Variants in DOLK observed in about 807,000 individuals in gnomAD.
DOLK encodes the protein SEC59 homolog.
In DOLK, 20 loss-of-function variants were observed where a neutral mutation model predicts 31.7. The observed-to-expected ratio is 0.63, with a 90% confidence interval of 0.44 to 0.92. DOLK has a LOEUF of 0.92. Among genes scored for constraint, DOLK ranks in the 40% least tolerant of loss-of-function variants. The pLI, the probability that DOLK is intolerant of heterozygous loss-of-function variation, is 0.00. For synonymous variants in DOLK, 309 were observed against 287.0 expected (o/e 1.08, Z -0.77); for missense variants, 594 against 680.7 (o/e 0.87, Z 1.42).
At position 128,945,710 on chromosome 9, in the gene DOLK, G is replaced by A. The variant is rs140350881; in HGVS notation, c.1594C>T (p.Leu532Phe). 30 of 1,614,114 alleles carry A rather than the reference G, an allele frequency of 1.9e-5. No homozygotes were observed. The highest frequency in any genetic ancestry group is 2.0e-5 in the Non-Finnish European group (24 of 1,180,028). Reference sequence around the variant, plus strand: ...AGCTAGGCCATCAGCAATATCAGGAGGTAGAGAGGCAGAAGGAGATTGTCT... The same window carrying A: ...AGCTAGGCCATCAGCAATATCAGGAAGTAGAGAGGCAGAAGGAGATTGTCT... ...QIDNLLLPLY[L>F]LILLMA Residue 532 changes from leucine (L) to phenylalanine (F), a missense_variant, in exon 1 of 1, where the codon CTC becomes TTC. By Grantham distance (22) the Leu-to-Phe change is conservative. Coordinates refer to ENST00000372586, the MANE Select transcript of DOLK (RefSeq NM_014908.4).
rs745571625 is a variant in DOLK at position 128,946,398 on chromosome 9, G to A, written c.906C>T (p.Ala302=). 6 of 1,614,048 alleles carry A rather than the reference G, an allele frequency of 3.7e-6. No individual in the cohort carries two copies. Among genetic ancestry groups the A allele is most frequent in the Admixed American group, 1.7e-5 (1 of 60,012 alleles). Residue 302 remains alanine, a synonymous_variant, in exon 1 of 1, where the codon GCC becomes GCT. Coordinates refer to ENST00000372586, the MANE Select transcript of DOLK (RefSeq NM_014908.4). ...CCAAGGTGGCCAGCAGAGACCAATA[G>A]GCTAGGAGGTAGATGCGGGTGTCTG... The part of the protein sequence containing the change: ...FQTDTRIYLL[A]YWSLLATLAC...
At position 128,947,094 on chromosome 9, in the gene DOLK, G is replaced by A; in HGVS notation, c.210C>T (p.Val70=). ...TGTTTGCGGACATTCGGAACTGGAA[G>A]ACGGCGCTTCCCTGCTGTAGCAGCC... ...WDRLLQQGSA[V]FQFRMSANSG... The change falls in exon 1 of 1, where the codon GTC becomes GTT. Residue 70 remains valine (V), a synonymous_variant. Coordinates refer to ENST00000372586, the MANE Select transcript of DOLK (RefSeq NM_014908.4). The A allele has an allele frequency of 6.2e-7, 1 of 1,614,046 alleles. No homozygotes were observed. Among genetic ancestry groups the A allele is most frequent in the Non-Finnish European group, 8.5e-7 (1 of 1,180,032 alleles).
In DOLK at chr9:128,945,783, C is replaced by T. The variant is rs776776388; in HGVS notation, c.1521G>A (p.Leu507=). 3.7e-6 allele frequency: 6 copies of T among 1,614,172 alleles called. No homozygotes were observed. The highest frequency in any genetic ancestry group is 5.1e-6 in the Non-Finnish European group (6 of 1,180,044). The part of the protein sequence containing the change: ...VDLNYSYAWI[L]GSISTVSLLE... ...GGAGGGACACAGTGCTGATGGACCC[C>T]AAAATCCAAGCATAACTGTAGTTTA... Residue 507 remains leucine, a synonymous_variant, in exon 1 of 1, where the codon TTG becomes TTA. Transcript: ENST00000372586.
Position 128,945,718 on chromosome 9 carries a change from G to A in DOLK, c.1586C>T (p.Pro529Leu). Residue 529 changes from proline to leucine, a missense_variant, in exon 1 of 1, where the codon CCT becomes CTT. Physicochemically the swap from Pro to Leu is moderately conservative, Grantham distance 98. Coordinates refer to ENST00000372586, the MANE Select transcript of DOLK (RefSeq NM_014908.4). ...YTTQIDNLLL[P>L]LYLLILLMA ...CATCAGCAATATCAGGAGGTAGAGA[G>A]GCAGAAGGAGATTGTCTATCTGTGT... The A allele has an allele frequency of 1.2e-6, 2 of 1,614,152 alleles. No homozygotes were observed. Among genetic ancestry groups the A allele is most frequent in the Non-Finnish European group, 1.7e-6 (2 of 1,180,036 alleles).
Position 128,946,433 on chromosome 9 carries a change from G to T in DOLK, c.871C>A (p.Leu291Ile), listed in dbSNP as rs1400622357. The T allele has an allele frequency of 6.2e-7, 1 of 1,614,102 alleles. No homozygotes were observed. The highest frequency in any genetic ancestry group is 1.7e-5 in the Admixed American group (1 of 60,016). The change falls in exon 1 of 1, where the codon CTC becomes ATC. Residue 291 changes from leucine (L) to isoleucine (I), a missense_variant. Physicochemically the swap from Leu to Ile is conservative, Grantham distance 5. Transcript: ENST00000372586. ...TAGATGCGGGTGTCTGTCTGGAAGAGAAACTGAAGAAGCCAGAGCAGGGGA... is the reference window on the plus strand; with the variant it reads ...TAGATGCGGGTGTCTGTCTGGAAGATAAACTGAAGAAGCCAGAGCAGGGGA... Reference protein sequence around the residue: ...RNPLLWLLQFLFQTDTRIYLL... With the variant: ...RNPLLWLLQFIFQTDTRIYLL...
At position 128,947,148 on chromosome 9, in the gene DOLK, C is replaced by T. The variant is rs1339562262; in HGVS notation, c.156G>A (p.Gln52=). The T allele has an allele frequency of 6.2e-7, 1 of 1,613,714 alleles. No individual in the cohort carries two copies. The highest frequency in any genetic ancestry group is 1.3e-5 in the African/African-American group (1 of 74,926). The change falls in exon 1 of 1, where the codon CAG becomes CAA. Residue 52 remains glutamine, a synonymous_variant. Transcript: ENST00000372586. ...YSWCAVALAV[Q]AFYVQYKWDR... is the part of the protein sequence containing the mutation. The stretch of plus-strand genomic sequence containing the variant: ...CCCACTTGTATTGGACGTAGAAGGC[C>T]TGCACTGCGAGGGCCACGGCGCACC...
In DOLK at chr9:128,945,735, T is replaced by C. The variant is rs1225681339; in HGVS notation, c.1569A>G (p.Ile523Met). The C allele has an allele frequency of 6.2e-7, 1 of 1,614,186 alleles. No individual in the cohort carries two copies. Among genetic ancestry groups the C allele is most frequent in the Non-Finnish European group, 8.5e-7 (1 of 1,180,022 alleles). ...VSLLEAYTTQ[I>M]DNLLLPLYLL... Reference sequence around the variant, plus strand: ...GGTAGAGAGGCAGAAGGAGATTGTCTATCTGTGTAGTGTATGCTTCCAGGA... The same window carrying C: ...GGTAGAGAGGCAGAAGGAGATTGTCCATCTGTGTAGTGTATGCTTCCAGGA... The change falls in exon 1 of 1, where the codon ATA becomes ATG. Residue 523 changes from isoleucine (I) to methionine (M), a missense_variant. By Grantham distance (10) the Ile-to-Met change is conservative. Coordinates refer to ENST00000372586, the MANE Select transcript of DOLK (RefSeq NM_014908.4).
Position 128,947,474 on chromosome 9 carries a change from G to C in DOLK, c.-171C>G, listed in dbSNP as rs570254254. 1.0e-6 allele frequency: 1 copy of C among 986,716 alleles called. No individual in the cohort carries two copies. The highest frequency in any genetic ancestry group is 1.5e-6 in the Non-Finnish European group (1 of 662,152). 61.1% of individuals were successfully genotyped at this position (986,716 alleles called of 1,614,324 possible). ...CACCGCAGGTCACTTCTGCGGCCTG[G>C]GAGCTGGCGCCCGGCCACCCCCCAC... On this transcript the variant is annotated 5_prime_UTR_variant, in exon 1 of 1. Coordinates refer to ENST00000372586, the MANE Select transcript of DOLK (RefSeq NM_014908.4).
Position 128,946,233 on chromosome 9 carries a change from T to C in DOLK, c.1071A>G (p.Pro357=), listed in dbSNP as rs781428790. ...ATACAGTGGCGGCTACATAGAGCAG[T>C]GGCCGGTCAAAGATGATACCTGGGA... is the stretch of plus-strand genomic sequence containing the variant. ...TYIPGIIFDR[P]LLYVAATVCL... is the part of the protein sequence containing the mutation. The change falls in exon 1 of 1, where the codon CCA becomes CCG. Residue 357 remains proline (P), a synonymous_variant. Coordinates refer to ENST00000372586, the MANE Select transcript of DOLK (RefSeq NM_014908.4). 2.5e-6 allele frequency: 4 copies of C among 1,614,046 alleles called. No individual in the cohort carries two copies. Among genetic ancestry groups the C allele is most frequent in the Non-Finnish European group, 3.4e-6 (4 of 1,180,010 alleles).
Position 128,946,596 on chromosome 9 carries a change from G to C in DOLK, c.708C>G (p.Leu236=). The C allele has an allele frequency of 1.2e-6, 2 of 1,614,090 alleles. No homozygotes were observed. Among genetic ancestry groups the C allele is most frequent in the African/African-American group, 1.3e-5 (1 of 75,012 alleles). The change falls in exon 1 of 1, where the codon CTC becomes CTG. Residue 236 remains leucine (L), a synonymous_variant. Transcript: ENST00000372586. Reference sequence around the variant, plus strand: ...ACAGAGTGCTGAAGAAAATGCCCATGAGTACCATCCCTACTACCACCACCA... The same window carrying C: ...ACAGAGTGCTGAAGAAAATGCCCATCAGTACCATCCCTACTACCACCACCA... ...FLLVVVVGMV[L]MGIFFSTLFV...
rs538308920 is a variant in DOLK at position 128,947,487 on chromosome 9, G to T, written c.-184C>A. 2.1e-6 allele frequency: 2 copies of T among 935,790 alleles called. No individual in the cohort carries two copies. Among genetic ancestry groups the T allele is most frequent in the African/African-American group, 3.3e-5 (2 of 60,588 alleles). 58.0% of individuals were successfully genotyped at this position (935,790 alleles called of 1,614,324 possible). A position where few individuals can be genotyped will look rare whatever the true frequency, so the allele number is the denominator to read the frequency against. On this transcript the variant is annotated 5_prime_UTR_variant, in exon 1 of 1. Transcript: ENST00000372586. Reference sequence around the variant, plus strand: ...TTCTGCGGCCTGGGAGCTGGCGCCCGGCCACCCCCCACAGCCTCCAACCTA... The same window carrying T: ...TTCTGCGGCCTGGGAGCTGGCGCCCTGCCACCCCCCACAGCCTCCAACCTA...
chr9:128,945,954 A>G lies in DOLK; in HGVS notation c.1350T>C (p.Gly450=). The change falls in exon 1 of 1, where the codon GGT becomes GGC. Residue 450 remains glycine (G), a synonymous_variant. Coordinates refer to ENST00000372586, the MANE Select transcript of DOLK (RefSeq NM_014908.4). ...TACCGAAGATGGAGGCCACAGTATCACCCACACCCACAGCCAGGACACCGG... is the reference window on the plus strand; with the variant it reads ...TACCGAAGATGGAGGCCACAGTATCGCCCACACCCACAGCCAGGACACCGG... ...PYAGVLAVGV[G]DTVASIFGST... 6.2e-7 allele frequency: 1 copy of G among 1,614,078 alleles called. No individual in the cohort carries two copies. Among genetic ancestry groups the G allele is most frequent in the African/African-American group, 1.3e-5 (1 of 75,002 alleles).
chr9:128,946,998 A>G lies in DOLK; in HGVS notation c.306T>C (p.Ala102=). Residue 102 remains alanine, a synonymous_variant, in exon 1 of 1, where the codon GCT becomes GCC. Transcript: ENST00000372586. ...CAAAACGCTCAAAGAACGGGTTCCC[A>G]GCAGTCTGGCACCGCTCCTTCATGA... is the stretch of plus-strand genomic sequence containing the variant. ...GLVMKERCQT[A]GNPFFERFGI... is the part of the protein sequence containing the mutation. 1 of 1,609,184 alleles carries G rather than the reference A, an allele frequency of 6.2e-7. No individual in the cohort carries two copies.
rs982700894 is a variant in DOLK, at chr9:128,945,852, G to C, written c.1452C>G (p.Ile484Met). Residue 484 changes from isoleucine (I) to methionine (M), a missense_variant, in exon 1 of 1, where the codon ATC (isoleucine) becomes ATG (methionine). Ile to Met is a conservative substitution (Grantham distance 10). Transcript: ENST00000372586. Reference sequence around the variant, plus strand: ...AGATTAAGATCAGAGCTACAGAAATGATCTGCGCAAATATAGATGTCATGG... The same window carrying C: ...AGATTAAGATCAGAGCTACAGAAATCATCTGCGCAAATATAGATGTCATGG... ...EGTMTSIFAQIISVALILIFD... is the reference protein window; with the variant it reads ...EGTMTSIFAQMISVALILIFD... 1.9e-6 allele frequency: 3 copies of C among 1,614,228 alleles called. No individual in the cohort carries two copies. Among genetic ancestry groups the C allele is most frequent in the African/African-American group, 2.7e-5 (2 of 75,054 alleles).
Position 128,945,599 on chromosome 9 carries a change from C to T in DOLK, c.*88G>A. ...ATCAAATCTGCTTTTCACACCTTGG[C>T]TCTTCATGCCCAAGTAGCTGTCTGC... On this transcript the variant is annotated 3_prime_UTR_variant, in exon 1 of 1. Coordinates refer to ENST00000372586, the MANE Select transcript of DOLK (RefSeq NM_014908.4). 1 of 1,522,264 alleles carries T rather than the reference C, an allele frequency of 6.6e-7. No homozygotes were observed. Among genetic ancestry groups the T allele is most frequent in the South Asian group, 1.1e-5 (1 of 88,798 alleles). The allele number at this position is 1,522,264 out of a possible 1,614,324, so 94.3% of individuals were successfully genotyped here.
rs999578938 is a variant in DOLK, at chr9:128,947,371, C to A, written c.-68G>T. 13 of 1,595,114 alleles carry A rather than the reference C, an allele frequency of 8.1e-6. No homozygotes were observed. The highest frequency in any genetic ancestry group is 1.1e-5 in the South Asian group (1 of 90,034). On this transcript the variant is annotated 5_prime_UTR_variant, in exon 1 of 1. Coordinates refer to ENST00000372586, the MANE Select transcript of DOLK (RefSeq NM_014908.4). The stretch of plus-strand genomic sequence containing the variant: ...ACGCCCTAGACTTCGGGCCCCTCAG[C>A]CCCGTCAAGCAGAGGGAGGCACTTT...
At position 128,946,326 on chromosome 9, in the gene DOLK, C is replaced by T; in HGVS notation, c.978G>A (p.Glu326=). 1 of 1,614,072 alleles carries T rather than the reference C, an allele frequency of 6.2e-7. No individual in the cohort carries two copies. The highest frequency in any genetic ancestry group is 8.5e-7 in the Non-Finnish European group (1 of 1,180,012). Residue 326 remains glutamate, a synonymous_variant, in exon 1 of 1, where the codon GAG becomes GAA. Coordinates refer to ENST00000372586, the MANE Select transcript of DOLK (RefSeq NM_014908.4). ...TGGTGGGGGCCTGGTGCTTCTTGGA[C>T]TCGGAAGATGACCGCTTGGCATTCT... ...LYQNAKRSSS[E]SKKHQAPTIA... is the part of the protein sequence containing the mutation.
chr9:128,947,037 A>C lies in DOLK; in HGVS notation c.267T>G (p.Pro89=). ...SGLLPASMVM[P]LLGLVMKERC... is the part of the protein sequence containing the mutation. ...GCTCCTTCATGACTAGTCCAAGCAA[A>C]GGCATGACCATGGAGGCGGGCAATA... Residue 89 remains proline, a synonymous_variant, in exon 1 of 1, where the codon CCT becomes CCG. Transcript: ENST00000372586. 1 of 1,613,276 alleles carries C rather than the reference A, an allele frequency of 6.2e-7. No individual in the cohort carries two copies. The highest frequency in any genetic ancestry group is 8.5e-7 in the Non-Finnish European group (1 of 1,180,020).
At position 128,946,592 on chromosome 9, in the gene DOLK, C is replaced by T; in HGVS notation, c.712G>A (p.Gly238Ser). 6.2e-7 allele frequency: 1 copy of T among 1,614,062 alleles called. No homozygotes were observed. Among genetic ancestry groups the T allele is most frequent in the South Asian group, 1.1e-5 (1 of 91,072 alleles). Residue 238 changes from glycine to serine, a missense_variant, in exon 1 of 1, where the codon GGC (glycine) becomes AGC (serine). Gly to Ser is a moderately conservative substitution (Grantham distance 56). Coordinates refer to ENST00000372586, the MANE Select transcript of DOLK (RefSeq NM_014908.4). ...ACAAACAGAGTGCTGAAGAAAATGC[C>T]CATGAGTACCATCCCTACTACCACC... ...LVVVVGMVLM[G>S]IFFSTLFVFM...
Sources: gnomAD v4.1 joint callset for allele counts on GRCh38, gnomAD v4.1.1 for gene constraint, MANE v1.5 for transcripts, NCBI Gene and HGNC (gene_info 2026-07-23, HGNC 2026-07-21) for gene names.